Variants in QKI observed in about 807,000 individuals in gnomAD.
QKI encodes the protein KH domain-containing RNA-binding protein QKI.
In QKI, 10 loss-of-function variants were observed where a neutral mutation model predicts 39.0. The observed-to-expected ratio is 0.26, with a 90% confidence interval of 0.16 to 0.43. The LOEUF (loss-of-function observed/expected upper bound fraction) is 0.43. Ranked by LOEUF, QKI falls within the 20% of genes least tolerant of loss-of-function variation. The pLI is 1.00. For missense variants in QKI, 218 were observed against 428.0 expected, an observed-to-expected ratio of 0.51 and a Z score of 4.33; for synonymous variants, 204 against 155.4, an observed-to-expected ratio of 1.31 and a Z score of -2.33.
chr6:163,510,776 A>G (rs1464152784), intron 3 of QKI, among the ~76,000 whole-genome samples: 5 of 152,316 alleles, frequency 3.3e-5, no homozygotes, highest in African/African-American at 1.2e-4. Flanking sequence ...ATAAGTGTAT[A>G]TTTATTTAAT....
chr6:163,563,512 A>G lies in QKI; in HGVS notation c.727A>G (p.Thr243Ala). 6.2e-7 allele frequency: 1 copy of G among 1,614,062 alleles called. No individual in the cohort carries two copies. Among genetic ancestry groups the G allele is most frequent in the South Asian group, 1.1e-5 (1 of 91,074 alleles). The change falls in exon 6 of 8, where the codon ACT (threonine) becomes GCT (alanine). Residue 243 changes from threonine to alanine, a missense_variant. Physicochemically the swap from Thr to Ala is moderately conservative, Grantham distance 58. Transcript: ENST00000361752. ...APVLPPAALR[T>A]PTPAGPTIMP... is the part of the protein sequence containing the mutation. Reference sequence around the variant, plus strand: ...GGTTCTCCCACCAGCTGCCCTGCGTACTCCTACGCCAGCTGGCCCTACCAT... The same window carrying G: ...GGTTCTCCCACCAGCTGCCCTGCGTGCTCCTACGCCAGCTGGCCCTACCAT...
chr6:163,544,883 AT>A (rs1438907592), intron 4 of QKI, among the ~76,000 whole-genome samples: 1 of 152,070 alleles, frequency 6.6e-6, no homozygotes, highest in African/African-American at 2.4e-5. Flanking sequence ...GGTACAATAC[AT>A]TTTTTGTTTA....
chr6:163,436,470 C>A (rs576623436), intron 1 of QKI, among the ~76,000 whole-genome samples: 63 of 152,138 alleles, frequency 4.1e-4, no homozygotes, highest in Non-Finnish European at 6.8e-4. Context: ...TTTACAAATT[C>A]TCTATTCAGG....
At chr6:163,519,070 G>T (rs889647615) in intron 3 of QKI, among the ~76,000 whole-genome samples, 1 of 152,022 alleles carries the variant, frequency 6.6e-6, no homozygotes, top group African/African-American at 2.4e-5. Flanking sequence ...AAGATCTGTT[G>T]GTATGTGTTC....
intron 3 of QKI, among the ~76,000 whole-genome samples, chr6:163,498,914 A>G (rs575470682): frequency 6.6e-6 from 1 of 152,246 alleles, no homozygotes; most frequent in Non-Finnish European, 1.5e-5. Flanking sequence ...GAATATTTGC[A>G]TATATACAAT....
chr6:163,553,489 C>T (rs188657872), intron 4 of QKI, among the ~76,000 whole-genome samples: 1 of 151,994 alleles, frequency 6.6e-6, no homozygotes, highest in Non-Finnish European at 1.5e-5. Flanking sequence ...CCAGCCCAAC[C>T]ATATCATCTA....
intron 3 of QKI, among the ~76,000 whole-genome samples, chr6:163,503,299 G>T (rs1778895357): frequency 6.6e-6 from 1 of 151,890 alleles, no homozygotes; most frequent in South Asian, 2.1e-4. Flanking sequence ...TTTGTATATA[G>T]TGAAAGATGT....
At position 163,572,270 on chromosome 6, in the gene QKI, G is replaced by T. The variant is rs1190182633; in HGVS notation, c.*1560G>T. 2 of 152,060 alleles carry T rather than the reference G, an allele frequency of 1.3e-5. No individual in the cohort carries two copies. Among genetic ancestry groups the T allele is most frequent in the Admixed American group, 1.3e-4 (2 of 15,260 alleles). The allele number at this position is 152,060 out of a possible 1,614,324, so 9.4% of individuals were successfully genotyped here. On this transcript the variant is annotated 3_prime_UTR_variant, in exon 8 of 8. Transcript: ENST00000361752. ...AAGGGGGATGCATTCATTTGATTTT[G>T]TTTTTTGTTTTTAATTAATTGAATA...
chr6:163,461,678 T>C (rs947803518), intron 2 of QKI, among the ~76,000 whole-genome samples: 2 of 152,204 alleles, frequency 1.3e-5, no homozygotes, highest in African/African-American at 4.8e-5. Flanking sequence ...AGAAATCTGC[T>C]TCTCAGTGCT....
intron 1 of QKI, among the ~76,000 whole-genome samples, chr6:163,452,314 C>T (rs1393434583): frequency 6.6e-6 from 1 of 152,078 alleles, no homozygotes; most frequent in Non-Finnish European, 1.5e-5. Context: ...TCTTAGTTAC[C>T]TTTTCATTCC....
At chr6:163,439,356 G>GC in intron 1 of QKI, among the ~76,000 whole-genome samples, 1 of 116,588 alleles carries the variant, frequency 8.6e-6, no homozygotes, top group Middle Eastern at 4.2e-3. Flanking sequence ...TTTTTTTTTC[G>GC]GGGGGGTGGG....
intron 4 of QKI, among the ~76,000 whole-genome samples, chr6:163,550,317 C>T (rs1782146963): frequency 6.6e-6 from 1 of 152,158 alleles, no homozygotes; most frequent in South Asian, 2.1e-4. Context: ...CACCAGTTCT[C>T]TTCCTGTAAT....
At chr6:163,511,978 T>TTA (rs76844541) in intron 3 of QKI, among the ~76,000 whole-genome samples, 2 of 151,548 alleles carry the variant, frequency 1.3e-5, no homozygotes, top group African/African-American at 2.4e-5. Flanking sequence ...AAATTAACGA[T>TTA]AAAAAAAGAA....
chr6:163,548,733 C>A (rs1255914025), intron 4 of QKI, among the ~76,000 whole-genome samples: 3 of 152,086 alleles, frequency 2.0e-5, no homozygotes, highest in Non-Finnish European at 2.9e-5. Context: ...GAGGACTGGG[C>A]ACTACTGAAG....
intron 1 of QKI, among the ~76,000 whole-genome samples, chr6:163,418,410 C>T (rs953449395): frequency 3.3e-5 from 5 of 152,040 alleles, no homozygotes; most frequent in Non-Finnish European, 7.4e-5. Flanking sequence ...TATTTTAATT[C>T]CTTGCCAAGT....
chr6:163,531,966 G>A (rs1027328909), intron 3 of QKI, among the ~76,000 whole-genome samples: 24 of 152,232 alleles, frequency 1.6e-4, no homozygotes, highest in African/African-American at 5.1e-4. Flanking sequence ...CAGGGTAGAT[G>A]TAGCTTTCTC....
chr6:163,564,031 T>C (rs184812500), intron 6 of QKI: 5 of 1,160,764 alleles, frequency 4.3e-6, no homozygotes, highest in East Asian at 4.3e-5. Context: ...TCCCACCCCA[T>C]TGGCCCGTCA....
At chr6:163,420,758 T>C (rs1787934254) in intron 1 of QKI, among the ~76,000 whole-genome samples, 1 of 152,240 alleles carries the variant, frequency 6.6e-6, no homozygotes. Context: ...TTTACAGTTA[T>C]ATTTTTTACT....
At chr6:163,502,729 T>A (rs894766935) in intron 3 of QKI, among the ~76,000 whole-genome samples, 4 of 152,220 alleles carry the variant, frequency 2.6e-5, no homozygotes, top group Middle Eastern at 3.2e-3. Flanking sequence ...ATGTATTTGC[T>A]GCATTTTCTT....
Sources: gnomAD v4.1 joint callset for allele counts (sites outside exome capture counted in the v4.1 genomes callset) on GRCh38, gnomAD v4.1.1 for gene constraint, MANE v1.5 for transcripts, NCBI Gene and HGNC (gene_info 2026-07-23, HGNC 2026-07-21) for gene names.